CACNA2D3: variants seen among roughly 807,000 people sequenced by gnomAD.
CACNA2D3 encodes the protein voltage-dependent calcium channel subunit alpha-2/delta-3.
Under a neutral mutation model 160.6 loss-of-function variants are expected in CACNA2D3, and 60 were observed. The ratio of observed to expected loss-of-function variants is 0.37; its 90% CI spans 0.30 to 0.46. The LOEUF (loss-of-function observed/expected upper bound fraction) is 0.46, where lower values mean the gene tolerates loss of function less well. Among genes scored for constraint, CACNA2D3 ranks in the 20% least tolerant of loss-of-function variants. The probability of loss-of-function intolerance (pLI) is 1.00; values close to 1 mark genes in which losing one functional copy is unlikely to be tolerated. For missense variants in CACNA2D3, 1,205 were observed against 1,365.0 expected, an observed-to-expected ratio of 0.88 and a Z score of 1.85; for synonymous variants, 558 against 492.9, an observed-to-expected ratio of 1.13 and a Z score of -1.75.
chr3:54,761,490 G>T (rs1245060443), intron 12 of CACNA2D3, among the ~76,000 whole-genome samples: 1 of 152,232 alleles, frequency 6.6e-6, no homozygotes, highest in Non-Finnish European at 1.5e-5. Context: ...AACTGTGTAT[G>T]TGGCATGTTC....
At position 54,472,159 on chromosome 3, in the gene CACNA2D3, G is replaced by A. The variant is rs192861424; in HGVS notation, c.382-31333G>A. Among the ~76,000 whole-genome samples, 329 of 152,268 alleles carry A rather than the reference G, an allele frequency of 2.2e-3. 2 individuals carry two copies. Among genetic ancestry groups the A allele is most frequent in the Non-Finnish European group, 2.7e-3 (182 of 68,010 alleles). ...TGCAAAAATCCTCAATAAAATACTG[G>A]CAAACCAAATCCAGCAGTACATCAA... On this transcript the variant is annotated intron_variant, in intron 4 of 37. Transcript: ENST00000474759.
At chr3:54,977,016 T>A (rs1386441252) in intron 29 of CACNA2D3, among the ~76,000 whole-genome samples, 2 of 152,246 alleles carry the variant, frequency 1.3e-5, no homozygotes, top group Non-Finnish European at 2.9e-5. Context: ...GAAACTGTGT[T>A]TATTTTTTAA....
intron 9 of CACNA2D3, among the ~76,000 whole-genome samples, chr3:54,582,608 C>G (rs1702696713): frequency 6.6e-6 from 1 of 152,238 alleles, no homozygotes; most frequent in South Asian, 2.1e-4. Flanking sequence ...AGCCATGTCA[C>G]AGCTTCTGGG....
chr3:54,483,314 C>CTTCT (rs1320338154), intron 4 of CACNA2D3, among the ~76,000 whole-genome samples: 1 of 152,126 alleles, frequency 6.6e-6, no homozygotes, highest in Non-Finnish European at 1.5e-5. Flanking sequence ...ACCCTAAAGG[C>CTTCT]TTCTAAAGCA....
rs1251560311 is a variant in CACNA2D3, at chr3:54,123,607, T to A, written c.204+13T>A. On this transcript the variant is annotated intron_variant, in intron 2 of 37. Transcript: ENST00000474759. ...GCTTCTGCAAAAGGTAAGGTTTCTG[T>A]GGTGGCAGGAAGCGATGATTTTTCC... The A allele has an allele frequency of 2.5e-6, 4 of 1,608,422 alleles. No individual in the cohort carries two copies. The East Asian group carries it at 6.7e-5, about 27-fold the overall frequency.
intron 4 of CACNA2D3, among the ~76,000 whole-genome samples, chr3:54,491,350 C>G (rs576491988): frequency 6.6e-6 from 1 of 152,330 alleles, no homozygotes; most frequent in East Asian, 1.9e-4. Context: ...AGGAAACAAG[C>G]CCTTTGCGGT....
chr3:55,031,394 A>G (rs1703686496), intron 35 of CACNA2D3, among the ~76,000 whole-genome samples: 1 of 152,168 alleles, frequency 6.6e-6, no homozygotes, highest in African/African-American at 2.4e-5. Context: ...ATATATTCCT[A>G]TGGGTATTAA....
At chr3:55,036,431 G>GTTTTAT (rs1380810722) in intron 35 of CACNA2D3, among the ~76,000 whole-genome samples, 1 of 151,702 alleles carries the variant, frequency 6.6e-6, no homozygotes, top group African/African-American at 2.4e-5. Flanking sequence ...AAACCCTTGT[G>GTTTTAT]TTTTATTTTT....
rs982884948 is a variant in CACNA2D3 at position 54,887,855 on chromosome 3, C to T, written c.2057-104C>T. 7 of 826,554 alleles carry T rather than the reference C, an allele frequency of 8.5e-6. No individual in the cohort carries two copies. In the African/African-American group the frequency reaches 1.0e-4, roughly 12 times the overall value. The allele number at this position is 826,554 out of a possible 1,614,324, so 51.2% of individuals were successfully genotyped here. A position where few individuals can be genotyped will look rare whatever the true frequency, so the allele number is the denominator to read the frequency against. On this transcript the variant is annotated intron_variant, in intron 23 of 37. Coordinates refer to ENST00000474759, the MANE Select transcript of CACNA2D3 (RefSeq NM_018398.3). ...ACTTAACTCATAAAGCAACATGCCG[C>T]ATGAGAAAGTAGCCTGCAGATGCTG...
intron 11 of CACNA2D3, among the ~76,000 whole-genome samples, chr3:54,644,337 C>T (rs1699590061): frequency 6.6e-6 from 1 of 152,038 alleles, no homozygotes; most frequent in Non-Finnish European, 1.5e-5. Flanking sequence ...GCAAAAGGGT[C>T]TTCTTTTATG....
intron 3 of CACNA2D3, among the ~76,000 whole-genome samples, chr3:54,321,460 T>G (rs1258910076): frequency 6.6e-6 from 1 of 152,208 alleles, no homozygotes; most frequent in African/African-American, 2.4e-5. Flanking sequence ...TTGCAAGTTT[T>G]GACATAAATA....
chr3:54,900,915 G>T (rs1385358427), intron 27 of CACNA2D3, among the ~76,000 whole-genome samples: 3 of 152,184 alleles, frequency 2.0e-5, no homozygotes, highest in African/African-American at 4.8e-5. Flanking sequence ...GGGGGTAGTT[G>T]CCCTGGTTAT....
At chr3:55,070,322 A>G (rs537969805) in intron 35 of CACNA2D3, among the ~76,000 whole-genome samples, 1 of 152,150 alleles carries the variant, frequency 6.6e-6, no homozygotes, top group Admixed American at 6.5e-5. Flanking sequence ...GTGAAGAGAG[A>G]GAGTTGGAGG....
At chr3:54,916,034 A>G (rs114030322) in intron 27 of CACNA2D3, among the ~76,000 whole-genome samples, 237 of 152,304 alleles carry the variant, frequency 1.6e-3, no homozygotes, top group African/African-American at 5.6e-3. Flanking sequence ...GTTGACCTCC[A>G]CTGTCACCAA....
chr3:54,123,165 G>A (rs1052455537), intron 1 of CACNA2D3, among the ~76,000 whole-genome samples: 1 of 152,006 alleles, frequency 6.6e-6, no homozygotes, highest in Middle Eastern at 3.2e-3. Flanking sequence ...TTTTTTGGGG[G>A]GGGGATGGGT....
intron 4 of CACNA2D3, among the ~76,000 whole-genome samples, chr3:54,455,833 TC>T (rs746578551): frequency 9.2e-5 from 14 of 152,198 alleles, no homozygotes; most frequent in Non-Finnish European, 2.1e-4. Flanking sequence ...AAAGAGGCTG[TC>T]CTTTCGCTAG....
chr3:54,605,753 C>A (rs1241974956), intron 9 of CACNA2D3, among the ~76,000 whole-genome samples: 1 of 152,110 alleles, frequency 6.6e-6, no homozygotes, highest in Non-Finnish European at 1.5e-5. Flanking sequence ...CTTCTGGGGA[C>A]ATTACTGTGA....
At chr3:54,877,185 G>C (rs1245852829) in intron 18 of CACNA2D3, 1 of 152,172 alleles carries the variant, frequency 6.6e-6, no homozygotes, top group Non-Finnish European at 1.5e-5. Flanking sequence ...GGGCTCATCA[G>C]AGTAAGATGT....
intron 16 of CACNA2D3, among the ~76,000 whole-genome samples, chr3:54,844,608 C>G (rs765363822): frequency 6.6e-6 from 1 of 152,036 alleles, no homozygotes; most frequent in African/African-American, 2.4e-5. Context: ...TATTGTTAAC[C>G]GCACGATAGG....
Sources: allele counts gnomAD v4.1 joint callset (sites outside exome capture counted in the v4.1 genomes callset), GRCh38; gene constraint gnomAD v4.1.1; transcripts MANE v1.5; gene names NCBI Gene and HGNC (gene_info 2026-07-23, HGNC 2026-07-21).